Variants in MARF1 observed in about 807,000 individuals in gnomAD.
The protein encoded by MARF1 is meiosis regulator and mRNA stability factor 1, also known as limkain-b1.
MARF1 carries 24 observed loss-of-function variants against 168.2 expected under a neutral mutation model. The observed-to-expected ratio is 0.14, with a 90% CI of 0.10 to 0.20. The LOEUF (loss-of-function observed/expected upper bound fraction) is 0.20, where lower values mean the gene tolerates loss of function less well. Among genes scored for constraint, MARF1 ranks in the 10% least tolerant of loss-of-function variants. The pLI is 1.00. For missense variants in MARF1, 1,744 were observed against 2,143.6 expected (o/e 0.81, Z 3.68); for synonymous variants, 868 against 822.4 (o/e 1.06, Z -0.95).
At chr16:15,599,293 A>G in intron 25 of MARF1, 1 of 489,716 alleles carries the variant, frequency 2.0e-6, no homozygotes, top group South Asian at 2.7e-5. Flanking sequence ...CAACCAGAGA[A>G]AAGGGTCCTG....
At position 15,627,127 on chromosome 16, in the gene MARF1, G is replaced by T. The variant is rs145467378; in HGVS notation, c.1525-1327C>A. Among the ~76,000 whole-genome samples, 1,493 of 152,026 alleles carry T rather than the reference G, an allele frequency of 9.8e-3. 12 individuals are homozygous for T. The highest frequency in any genetic ancestry group is 0.016 in the Admixed American group (237 of 15,272). ...AGCACTTTGGGAGGCCGAGGCGGGG[G>T]GATCACTTGAGCCCAGGAGTTCAAA... On this transcript the variant is annotated intron_variant, in intron 7 of 26. Coordinates refer to ENST00000396368, the MANE Select transcript of MARF1 (RefSeq NM_014647.4).
intron 7 of MARF1, among the ~76,000 whole-genome samples, chr16:15,629,548 G>C (rs2035108417): frequency 6.6e-6 from 1 of 152,132 alleles, no homozygotes; most frequent in East Asian, 1.9e-4. Context: ...ACGTACTTCT[G>C]TAACTCTCAG....
intron 7 of MARF1, among the ~76,000 whole-genome samples, chr16:15,629,239 A>G (rs2035081127): frequency 6.6e-6 from 1 of 152,218 alleles, no homozygotes; most frequent in Non-Finnish European, 1.5e-5. Context: ...ACAAATAATG[A>G]CAAAGGTGAG....
In MARF1 at chr16:15,630,389, C is replaced by T; in HGVS notation, c.1467G>A (p.Leu489=). 6.2e-7 allele frequency: 1 copy of T among 1,613,770 alleles called. No individual in the cohort carries two copies. Among genetic ancestry groups the T allele is most frequent in the Non-Finnish European group, 8.5e-7 (1 of 1,179,814 alleles). ...CGGAAATGAACTCTTCAAATCTGAT[C>T]AGCTCGTTAGCATGATGCAGCAGTG... is the stretch of plus-strand genomic sequence containing the variant. The part of the protein sequence containing the change: ...SEALLHHANE[L]IRFEEFISDL... Residue 489 remains leucine (L), a synonymous_variant, in exon 7 of 27, where the codon CTG becomes CTA. Transcript: ENST00000396368.
intron 18 of MARF1, 135 bp downstream of exon 18, chr16:15,611,446 CAAAAAAAAAAA>C: frequency 4.8e-6 from 2 of 418,546 alleles, no homozygotes; most frequent in Non-Finnish European, 3.9e-6. Context: ...GACTCCGTCT[CAAAAAAAAAAA>C]AAAAAAAACA....
intron 13 of MARF1, 65 bp downstream of exon 13, chr16:15,620,386 T>A: frequency 1.1e-6 from 1 of 933,018 alleles, no homozygotes; most frequent in Non-Finnish European, 1.7e-6. Context: ...GTCATTACCA[T>A]GGTTTTGTGC....
chr16:15,615,785 A>G (rs754615596), intron 16 of MARF1, 45 bp downstream of exon 16: 5 of 1,401,358 alleles, frequency 3.6e-6, no homozygotes, highest in South Asian at 3.5e-5. Context: ...CTCTGGTCTC[A>G]TAGTGGACAG....
At chr16:15,614,500 A>G (rs1456918591) in intron 16 of MARF1, among the ~76,000 whole-genome samples, 1 of 124,766 alleles carries the variant, frequency 8.0e-6, no homozygotes, top group African/African-American at 3.0e-5. Context: ...AAAAAAAAAA[A>G]AAATCCTGGG....
rs752705908 is a variant in MARF1 at position 15,600,628 on chromosome 16, G to A, written c.4687+13C>T. On this transcript the variant is annotated intron_variant, in intron 24 of 26. Coordinates refer to ENST00000396368, the MANE Select transcript of MARF1 (RefSeq NM_014647.4). ...TGATTTTTTAAGGGGGGAGGGGATGGGTGCTTACTTACTTTTCATGTCATT... is the reference window on the plus strand; with the variant it reads ...TGATTTTTTAAGGGGGGAGGGGATGAGTGCTTACTTACTTTTCATGTCATT... The A allele has an allele frequency of 2.5e-6, 4 of 1,613,918 alleles. No individual in the cohort carries two copies. Among genetic ancestry groups the A allele is most frequent in the Non-Finnish European group, 3.4e-6 (4 of 1,180,016 alleles).
In MARF1 at chr16:15,625,309, G is replaced by A. The variant is rs555403983; in HGVS notation, c.1953+63C>T. ...GGACACGCCAAAAGCAAGCGGGCAC[G>A]TAAAACACAGAAACAAACCAAACCT... On this transcript the variant is annotated intron_variant, in intron 8 of 26. Coordinates refer to ENST00000396368, the MANE Select transcript of MARF1 (RefSeq NM_014647.4). 1.6e-4 allele frequency: 255 copies of A among 1,552,032 alleles called. 1 individual carries two copies. The African/African-American group carries it at 2.7e-3, about 17-fold the overall frequency.
chr16:15,597,893 A>G (rs2031915042), intron 26 of MARF1, among the ~76,000 whole-genome samples: 1 of 152,230 alleles, frequency 6.6e-6, no homozygotes, highest in Non-Finnish European at 1.5e-5. Context: ...GGCTGGTTCT[A>G]TCCGCAGGCA....
At position 15,623,869 on chromosome 16, in the gene MARF1, G is replaced by A. The variant is rs573988265; in HGVS notation, c.2271-746C>T. On this transcript the variant is annotated intron_variant, in intron 10 of 26. Transcript: ENST00000396368. ...CTGCACATAAGGAAAACTTTTATGT[G>A]GCTTTTTAGATGTAATTTTATAGAT... 7.9e-5 allele frequency among the ~76,000 whole-genome samples: 12 copies of A among 151,184 alleles called. No homozygotes were observed. The South Asian group carries it at 2.5e-3, about 32-fold the overall frequency.
chr16:15,611,370 A>C (rs1465859745), intron 18 of MARF1, among the ~76,000 whole-genome samples: 1 of 151,728 alleles, frequency 6.6e-6, no homozygotes, highest in Non-Finnish European at 1.5e-5. Context: ...GAGGCAGGAC[A>C]ACGGCATAAA....
rs981596945 is a variant in MARF1, at chr16:15,597,336, C to T, written c.4985-399G>A. Among the ~76,000 whole-genome samples, 6 of 152,252 alleles carry T rather than the reference C, an allele frequency of 3.9e-5. No individual in the cohort carries two copies. In the South Asian group the frequency reaches 1.0e-3, roughly 26 times the overall value. On this transcript the variant is annotated intron_variant, in intron 26 of 26. Transcript: ENST00000396368. ...GGCCGTGGGTGGTAGGGGGTGGGGT[C>T]GGAGCATCTGGGTGTCAGGGAGCTC...
intron 7 of MARF1, among the ~76,000 whole-genome samples, chr16:15,629,931 C>T (rs2035139759): frequency 6.6e-6 from 1 of 152,204 alleles, no homozygotes; most frequent in African/African-American, 2.4e-5. Flanking sequence ...GCACAATTGA[C>T]TCCACTTATT....
chr16:15,622,010 A>C, intron 11 of MARF1, 99 bp from the exon 12 acceptor site: 1 of 1,084,336 alleles, frequency 9.2e-7, no homozygotes, highest in Non-Finnish European at 1.3e-6. Context: ...TGTCGACTGC[A>C]GCGCTTCCAT....
intron 6 of MARF1, 67 bp downstream of exon 6, chr16:15,631,314 G>T (rs763517600): frequency 9.4e-7 from 1 of 1,069,000 alleles, no homozygotes; most frequent in Non-Finnish European, 1.4e-6. Flanking sequence ...TTCACATGTT[G>T]CTGGCTTCTA....
Position 15,617,323 on chromosome 16 carries a change from T to C in MARF1, c.2933A>G (p.Gln978Arg). 6.2e-7 allele frequency: 1 copy of C among 1,614,106 alleles called. No individual in the cohort carries two copies. The highest frequency in any genetic ancestry group is 8.5e-7 in the Non-Finnish European group (1 of 1,179,942). Reference protein sequence around the residue: ...ELEYHEPVCRQHCSNKDFSEH... With the variant: ...ELEYHEPVCRRHCSNKDFSEH... Reference sequence around the variant, plus strand: ...CCTGAAATCCTTATTGGAACAATGCTGTCTGCAGACAGGCTCGTGATATTC... The same window carrying C: ...CCTGAAATCCTTATTGGAACAATGCCGTCTGCAGACAGGCTCGTGATATTC... The change falls in exon 14 of 27, where the codon CAG becomes CGG. Residue 978 changes from glutamine (Q) to arginine (R), a missense_variant. Transcript: ENST00000396368.
At chr16:15,626,713 A>C (rs965950619) in intron 7 of MARF1, among the ~76,000 whole-genome samples, 17 of 152,022 alleles carry the variant, frequency 1.1e-4, no homozygotes, top group Non-Finnish European at 2.5e-4. Flanking sequence ...TCATCGCAAC[A>C]CTCTGGGAGG....
Sources: allele counts gnomAD v4.1 joint callset (sites outside exome capture counted in the v4.1 genomes callset), GRCh38; gene constraint gnomAD v4.1.1; transcripts MANE v1.5; gene names NCBI Gene and HGNC (gene_info 2026-07-23, HGNC 2026-07-21).